WNK2: variants seen among roughly 807,000 people sequenced by gnomAD.
The protein encoded by WNK2 is WNK lysine deficient protein kinase 2.
WNK2 carries 67 observed loss-of-function variants against 192.1 expected under a neutral mutation model. That is an observed-to-expected ratio of 0.35 (90% CI 0.29 to 0.43). WNK2 has a LOEUF of 0.43. Ranked by LOEUF, WNK2 falls within the 20% of genes least tolerant of loss-of-function variation. WNK2 has a pLI of 1.00. For missense variants in WNK2, 2,698 were observed against 3,089.7 expected, an observed-to-expected ratio of 0.87 and a Z score of 3.01; for synonymous variants, 1,439 against 1,393.9, an observed-to-expected ratio of 1.03 and a Z score of -0.72.
rs377393557 is a variant in WNK2 at position 93,297,960 on chromosome 9, C to T, written c.5816C>T (p.Thr1939Met). 47 of 1,577,678 alleles carry T rather than the reference C, an allele frequency of 3.0e-5. No individual in the cohort carries two copies. The highest frequency in any genetic ancestry group is 3.5e-5 in the Non-Finnish European group (41 of 1,163,056). ...PLPPNVGFFHTAPPTGRRRKT... is the reference protein window; with the variant it reads ...PLPPNVGFFHMAPPTGRRRKT... ...CCCCCCAACGTGGGCTTCTTCCACA[C>T]GGCACCCCCCACTGGCCGCCGGAGA... is the stretch of plus-strand genomic sequence containing the variant. Residue 1939 changes from threonine to methionine, a missense_variant, in exon 24 of 30, where the codon ACG becomes ATG. By Grantham distance (81) the Thr-to-Met change is moderately conservative. Around this residue, in one of 7 missense-constraint regions of WNK2, gnomAD observed 1,098 missense variants for 1,101.0 expected, o/e 1.00. Coordinates refer to ENST00000427277, the MANE Select transcript of WNK2 (RefSeq NM_006648.4).
At chr9:93,197,671 C>T (rs1831518110) in intron 2 of WNK2, among the ~76,000 whole-genome samples, 1 of 152,070 alleles carries the variant, frequency 6.6e-6, no homozygotes. Flanking sequence ...TATAGGTGTA[C>T]ACCACCATGC....
At chr9:93,309,604 C>G (rs189779598) in intron 28 of WNK2, among the ~76,000 whole-genome samples, 3 of 152,356 alleles carry the variant, frequency 2.0e-5, no homozygotes, top group Non-Finnish European at 4.4e-5. Flanking sequence ...CCTCCTCTCT[C>G]TCTGCCTCTC....
intron 26 of WNK2, among the ~76,000 whole-genome samples, chr9:93,306,476 T>C (rs1323932149): frequency 4.0e-5 from 6 of 149,834 alleles, no homozygotes; most frequent in African/African-American, 7.4e-5. Context: ...TTCTTTTTTC[T>C]TTTCTTTTTT....
chr9:93,268,183 G>T, intron 18 of WNK2, 118 bp downstream of exon 18: 1 of 1,418,684 alleles, frequency 7.0e-7, no homozygotes, highest in African/African-American at 1.4e-5. Flanking sequence ...GTGGTGACCA[G>T]GGGCCCCAGT....
chr9:93,319,012 C>T, intron 29 of WNK2: 1 of 1,520,064 alleles, frequency 6.6e-7, no homozygotes, highest in Non-Finnish European at 8.8e-7. Context: ...GAATCTTCTG[C>T]CAGGGCACGA....
intron 2 of WNK2, among the ~76,000 whole-genome samples, chr9:93,189,198 C>T (rs543598396): frequency 6.6e-6 from 1 of 152,188 alleles, no homozygotes; most frequent in Admixed American, 6.5e-5. Flanking sequence ...ACACTGACGC[C>T]TCCCTGTCAG....
chr9:93,185,384 G>A lies in WNK2; in HGVS notation c.455G>A (p.Arg152Lys). ...GPREEAAATV[R>K]KEDEGAAEAK... Reference sequence around the variant, plus strand: ...AGGGAGGAGGCGGCGGCGACCGTGAGGAAGGAGGATGAGGGGGCGGCCGAG... The same window carrying A: ...AGGGAGGAGGCGGCGGCGACCGTGAAGAAGGAGGATGAGGGGGCGGCCGAG... The change falls in exon 2 of 30, where the codon AGG becomes AAG. Residue 152 changes from arginine (R) to lysine (K), a missense_variant. Physicochemically the swap from Arg to Lys is conservative, Grantham distance 26. Around this residue, in one of 7 missense-constraint regions of WNK2, gnomAD observed 260 missense variants for 285.6 expected, o/e 0.91. Coordinates refer to ENST00000427277, the MANE Select transcript of WNK2 (RefSeq NM_006648.4). 1.3e-6 allele frequency: 2 copies of A among 1,595,686 alleles called. No homozygotes were observed. Among genetic ancestry groups the A allele is most frequent in the Non-Finnish European group, 1.7e-6 (2 of 1,172,612 alleles).
At position 93,229,339 on chromosome 9, in the gene WNK2, A is replaced by G. The variant is rs1220892765; in HGVS notation, c.682-357A>G. Among the ~76,000 whole-genome samples, 1 of 152,158 alleles carries G rather than the reference A, an allele frequency of 6.6e-6. No individual in the cohort carries two copies. Among genetic ancestry groups the G allele is most frequent in the Non-Finnish European group, 1.5e-5 (1 of 68,022 alleles). ...TGTATACGTTAGAAGTAAACTGATGATCCATTCTTTTCACAAACACACAGA... is the reference window on the plus strand; with the variant it reads ...TGTATACGTTAGAAGTAAACTGATGGTCCATTCTTTTCACAAACACACAGA... On this transcript the variant is annotated intron_variant, in intron 2 of 29. Coordinates refer to ENST00000427277, the MANE Select transcript of WNK2 (RefSeq NM_006648.4). This position sits in a 1 kb window ranked among gnomAD's most constrained non-coding sequence, Gnocchi z 4.9.
rs550600862 is a variant in WNK2 at position 93,262,110 on chromosome 9, G to T, written c.3360+3G>T. On this transcript the variant is annotated splice_donor_region_variant and intron_variant, in intron 13 of 29. Transcript: ENST00000427277. Reference sequence around the variant, plus strand: ...TGACGGTGGAACCAGTCCAAGAGGTGTGTGCCCCTCCCCCCAGCCTGTCCC... The same window carrying T: ...TGACGGTGGAACCAGTCCAAGAGGTTTGTGCCCCTCCCCCCAGCCTGTCCC... The T allele has an allele frequency of 8.9e-6, 14 of 1,577,894 alleles. No homozygotes were observed. Among genetic ancestry groups the T allele is most frequent in the Non-Finnish European group, 1.0e-5 (12 of 1,156,690 alleles).
At chr9:93,305,744 C>CT (rs1239362552) in intron 26 of WNK2, among the ~76,000 whole-genome samples, 9 of 152,242 alleles carry the variant, frequency 5.9e-5, no homozygotes, top group African/African-American at 2.2e-4. Flanking sequence ...TTCTGAGTCC[C>CT]TGCAAGATCA....
intron 28 of WNK2, among the ~76,000 whole-genome samples, chr9:93,313,556 A>G (rs914061929): frequency 1.3e-5 from 2 of 152,068 alleles, no homozygotes; most frequent in African/African-American, 4.8e-5. Flanking sequence ...AGGACATTGT[A>G]GTTGAAATTG....
chr9:93,243,957 T>C (rs1253266285), intron 7 of WNK2, among the ~76,000 whole-genome samples: 1 of 152,340 alleles, frequency 6.6e-6, no homozygotes, highest in East Asian at 1.9e-4. Context: ...TTAGGCCGGG[T>C]GCAGTCACTC....
Position 93,185,223 on chromosome 9 carries a change from C to T in WNK2, c.294C>T (p.Pro98=). 8.4e-7 allele frequency: 1 copy of T among 1,183,810 alleles called. No individual in the cohort carries two copies. The highest frequency in any genetic ancestry group is 1.0e-6 in the Non-Finnish European group (1 of 959,534). The allele number at this position is 1,183,810 out of a possible 1,614,324, so 73.3% of individuals were successfully genotyped here. A position where few individuals can be genotyped will look rare whatever the true frequency, so the allele number is the denominator to read the frequency against. The change falls in exon 2 of 30, where the codon CCC becomes CCT. Residue 98 remains proline, a synonymous_variant. Transcript: ENST00000427277. ...RARGRPAAPA[P]AALVAQPGAP... is the part of the protein sequence containing the mutation. ...GCGGACGCCCCGCCGCCCCCGCGCCCGCAGCGCTGGTAGCGCAGCCGGGAG... is the reference window on the plus strand; with the variant it reads ...GCGGACGCCCCGCCGCCCCCGCGCCTGCAGCGCTGGTAGCGCAGCCGGGAG...
chr9:93,230,888 A>G lies in WNK2; in HGVS notation c.855A>G (p.Thr285=), dbSNP rs7048527. The change falls in exon 4 of 30, where the codon ACA becomes ACG. Residue 285 remains threonine (T), a splice_region_variant and synonymous_variant. Coordinates refer to ENST00000427277, the MANE Select transcript of WNK2 (RefSeq NM_006648.4). The part of the protein sequence containing the change: ...TELMTSGTLK[T]YLKRFKVMKP... ...GAGCTGTGCCCGTGAACCCCTGCAG[A>G]TACCTGAAGCGGTTCAAGGTGATGA... 0.14 allele frequency: 224,894 copies of G among 1,611,314 alleles called. 17,450 individuals carry two copies. The highest frequency in any genetic ancestry group is 0.29 in the East Asian group (12,825 of 44,826).
intron 2 of WNK2, among the ~76,000 whole-genome samples, chr9:93,202,326 G>A (rs555834339): frequency 5.3e-3 from 90 of 16,926 alleles, no homozygotes; most frequent in African/African-American, 0.022. Context: ...CCGTGTGCAC[G>A]TGTGTGTGTG....
intron 2 of WNK2, among the ~76,000 whole-genome samples, chr9:93,198,077 C>T (rs1363879400): frequency 6.6e-6 from 1 of 152,190 alleles, no homozygotes; most frequent in Non-Finnish European, 1.5e-5. Context: ...AACTGAGGTA[C>T]AGGAAAATAC....
rs1463062209 is a variant in WNK2 at position 93,257,064 on chromosome 9, G to T, written c.2307G>T (p.Val769=). ...LPPYLAPASQ[V]GAPAQLKPLQ... ...CGTACCTGGCTCCAGCCTCCCAGGT[G>T]GGGGCCCCCGCTCAGCTGAAGCCCC... The change falls in exon 11 of 30, where the codon GTG becomes GTT. Residue 769 remains valine, a synonymous_variant. Coordinates refer to ENST00000427277, the MANE Select transcript of WNK2 (RefSeq NM_006648.4). This position sits in a 1 kb window ranked among gnomAD's most constrained non-coding sequence, Gnocchi z 4.7. The T allele has an allele frequency of 6.2e-7, 1 of 1,605,804 alleles. No individual in the cohort carries two copies. The highest frequency in any genetic ancestry group is 1.7e-5 in the Admixed American group (1 of 58,490).
intron 2 of WNK2, among the ~76,000 whole-genome samples, chr9:93,221,974 G>A (rs533909597): frequency 8.5e-5 from 13 of 152,278 alleles, no homozygotes; most frequent in African/African-American, 3.1e-4. Flanking sequence ...GCTGGAAATG[G>A]CATCTTTTAC....
At chr9:93,256,810 G>A (rs1843375065) in intron 10 of WNK2, 138 bp from the exon 11 acceptor site, 2 of 799,996 alleles carry the variant, frequency 2.5e-6, no homozygotes, top group Non-Finnish European at 3.9e-6. Flanking sequence ...GCAAGTGTGT[G>A]TGTGCAGGCA....
Sources: gnomAD v4.1 joint callset for allele counts (sites outside exome capture counted in the v4.1 genomes callset) on GRCh38, gnomAD v4.1.1 for gene constraint, gnomAD v4.1.1 regional missense constraint, Gnocchi (gnomAD v3.1) non-coding constraint, MANE v1.5 for transcripts, NCBI Gene and HGNC (gene_info 2026-07-23, HGNC 2026-07-21) for gene names.